Variants in TTC39B observed in about 807,000 individuals in gnomAD.
The protein encoded by TTC39B is tetratricopeptide repeat protein 39B.
TTC39B carries 92 observed loss-of-function variants against 96.6 expected under a neutral mutation model. The observed-to-expected ratio is 0.95, with a 90% CI of 0.80 to 1.13. The LOEUF is 1.13. Among genes scored for constraint, TTC39B ranks in the 50% most tolerant of loss-of-function variants. TTC39B has a pLI of 0.00. For missense variants in TTC39B, 955 were observed against 809.3 expected (o/e 1.18, Z -2.18); for synonymous variants, 367 against 299.4 (o/e 1.23, Z -2.33).
At chr9:15,273,232 A>C (rs1388340995) in intron 1 of TTC39B, among the ~76,000 whole-genome samples, 3 of 152,248 alleles carry the variant, frequency 2.0e-5, no homozygotes, top group Admixed American at 2.0e-4. Flanking sequence ...TGCTATTAAC[A>C]GTAGTAATGT....
intron 2 of TTC39B, among the ~76,000 whole-genome samples, chr9:15,261,529 C>T (rs569434194): frequency 6.6e-6 from 1 of 152,172 alleles, no homozygotes; most frequent in Non-Finnish European, 1.5e-5. Flanking sequence ...TTAGTCCATT[C>T]TCCCCACTAG....
chr9:15,190,640 C>T lies in TTC39B; in HGVS notation c.1019G>A (p.Arg340His), dbSNP rs758648195. Reference sequence around the variant, plus strand: ...CATGCTCCTTCCTGAAGCACCTTCACGTAACTGCAGGAGGCCCAACTCCTA... The same window carrying T: ...CATGCTCCTTCCTGAAGCACCTTCATGTAACTGCAGGAGGCCCAACTCCTA... Residue 340 changes from arginine (R) to histidine (H), a missense_variant, in exon 11 of 20, where the codon CGT (arginine) becomes CAT (histidine). Arg to His is a conservative substitution (Grantham distance 29). Coordinates refer to ENST00000512701, the Ensembl canonical transcript of TTC39B. The T allele has an allele frequency of 1.1e-5, 17 of 1,614,014 alleles. No individual in the cohort carries two copies. Among genetic ancestry groups the T allele is most frequent in the Admixed American group, 5.0e-5 (3 of 60,002 alleles).
intron 13 of TTC39B, among the ~76,000 whole-genome samples, chr9:15,188,489 T>A (rs1818664991): frequency 6.6e-6 from 1 of 152,208 alleles, no homozygotes; most frequent in Non-Finnish European, 1.5e-5. Context: ...AAGATGTCAC[T>A]ATCTACGTAA....
chr9:15,218,997 C>CT (rs1820689769), intron 3 of TTC39B, among the ~76,000 whole-genome samples: 2 of 152,122 alleles, frequency 1.3e-5, no homozygotes, highest in African/African-American at 4.8e-5. Flanking sequence ...TAACTGGTGA[C>CT]TTTTTTCTCC....
chr9:15,286,437 C>T (rs552974910), intron 1 of TTC39B, among the ~76,000 whole-genome samples: 2 of 152,320 alleles, frequency 1.3e-5, no homozygotes, highest in East Asian at 3.9e-4. Context: ...GACTACAGAA[C>T]AGACAGTGTC....
At chr9:15,297,478 T>G (rs563923562) in intron 1 of TTC39B, among the ~76,000 whole-genome samples, 7 of 152,228 alleles carry the variant, frequency 4.6e-5, no homozygotes, top group African/African-American at 1.7e-4. Context: ...AATGTCCAGG[T>G]GGACCACCCT....
intron 19 of TTC39B, among the ~76,000 whole-genome samples, chr9:15,172,892 A>T (rs1817737250): frequency 6.6e-6 from 1 of 152,208 alleles, no homozygotes; most frequent in South Asian, 2.1e-4. Flanking sequence ...TATTATTCAT[A>T]AACTAAAATC....
intron 1 of TTC39B, among the ~76,000 whole-genome samples, chr9:15,271,582 C>G (rs767729835): frequency 1.2e-4 from 19 of 152,094 alleles, no homozygotes; most frequent in East Asian, 9.7e-4. Context: ...CTCACGCCAC[C>G]GCTGATCTAA....
intron 2 of TTC39B, among the ~76,000 whole-genome samples, chr9:15,252,505 G>A (rs748654151): frequency 1.1e-4 from 16 of 152,208 alleles, no homozygotes; most frequent in South Asian, 4.2e-4. Flanking sequence ...AAAATTAGCC[G>A]GCCGTGGTGG....
At chr9:15,206,235 G>A (rs1475314465) in intron 6 of TTC39B, among the ~76,000 whole-genome samples, 2 of 151,844 alleles carry the variant, frequency 1.3e-5, no homozygotes, top group African/African-American at 4.9e-5. Context: ...CCCATTTGGG[G>A]CAATCCGCCA....
exon 4 of TTC39B, chr9:15,214,217 C>G: frequency 6.2e-7 from 1 of 1,613,932 alleles, no homozygotes; most frequent in African/African-American, 1.3e-5. Context: ...TTCTTCGAGG[C>G]CACTCTTGAG....
At chr9:15,302,580 AC>A (rs1413909573) in intron 1 of TTC39B, among the ~76,000 whole-genome samples, 8 of 141,524 alleles carry the variant, frequency 5.7e-5, no homozygotes, top group Non-Finnish European at 1.2e-4. Context: ...GCAGTGGCTC[AC>A]ACCTGTAATC....
chr9:15,265,224 A>C (rs772989829), intron 2 of TTC39B, among the ~76,000 whole-genome samples: 1 of 152,082 alleles, frequency 6.6e-6, no homozygotes, highest in Non-Finnish European at 1.5e-5. Flanking sequence ...ACTGCTTGCA[A>C]TGCCTTCCTG....
Position 15,223,603 on chromosome 9 carries a change from C to T in TTC39B, c.371+2314G>A, listed in dbSNP as rs540603305. ...GCCACACTTCTTGTCCACATCCAAG[C>T]TTCCTCCACTTTGCCAAGTGTCATT... On this transcript the variant is annotated intron_variant, in intron 3 of 19. Transcript: ENST00000512701. 1.4e-3 allele frequency among the ~76,000 whole-genome samples: 209 copies of T among 152,338 alleles called. 1 individual carries two copies. The South Asian group carries it at 0.02, about 14-fold the overall frequency.
intron 1 of TTC39B, among the ~76,000 whole-genome samples, chr9:15,280,163 G>C (rs1329577731): frequency 6.6e-6 from 1 of 152,122 alleles, no homozygotes; most frequent in African/African-American, 2.4e-5. Flanking sequence ...CTCCCAAAGT[G>C]CTGGGATTAC....
In TTC39B at chr9:15,207,853, G is replaced by A. The variant is rs557451460; in HGVS notation, c.691+2235C>T. ...CAAAAAATTAGCCAGGCGTGGTGGCGGGCACCTGTAATCCCAGCTACTCGG... is the reference window on the plus strand; with the variant it reads ...CAAAAAATTAGCCAGGCGTGGTGGCAGGCACCTGTAATCCCAGCTACTCGG... On this transcript the variant is annotated intron_variant, in intron 6 of 19. Coordinates refer to ENST00000512701, the Ensembl canonical transcript of TTC39B. 2.9e-4 allele frequency among the ~76,000 whole-genome samples: 44 copies of A among 150,684 alleles called. 1 individual carries two copies. The highest frequency in any genetic ancestry group is 9.0e-4 in the African/African-American group (37 of 41,108).
intron 2 of TTC39B, among the ~76,000 whole-genome samples, chr9:15,244,239 T>G (rs1265389645): frequency 6.6e-6 from 1 of 152,266 alleles, no homozygotes; most frequent in Non-Finnish European, 1.5e-5. Flanking sequence ...TGGAGGGTTC[T>G]CTTATTTCTG....
At chr9:15,212,679 G>A (rs1442332639) in intron 4 of TTC39B, among the ~76,000 whole-genome samples, 1 of 152,066 alleles carries the variant, frequency 6.6e-6, no homozygotes, top group Non-Finnish European at 1.5e-5. Context: ...CATCTGCCTC[G>A]GCCTCCCAAA....
At chr9:15,256,229 A>T (rs1822746341) in intron 2 of TTC39B, among the ~76,000 whole-genome samples, 1 of 150,634 alleles carries the variant, frequency 6.6e-6, no homozygotes, top group Non-Finnish European at 1.5e-5. Context: ...GCTTCCTTCT[A>T]CCACGTGAGG....
Sources: allele counts gnomAD v4.1 joint callset (sites outside exome capture counted in the v4.1 genomes callset), GRCh38; gene constraint gnomAD v4.1.1; transcripts MANE v1.5; gene names NCBI Gene and HGNC (gene_info 2026-07-23, HGNC 2026-07-21).